GTPBP10: variants seen among roughly 807,000 people sequenced by gnomAD.
The protein encoded by GTPBP10 is GTP binding protein 10, also known as GTP-binding protein 10.
GTPBP10 carries 38 observed loss-of-function variants against 44.8 expected under a neutral mutation model. The observed-to-expected ratio is 0.85, with a 90% CI of 0.65 to 1.11. GTPBP10 has a LOEUF of 1.11. Among genes scored for constraint, GTPBP10 ranks in the 50% most tolerant of loss-of-function variants. The probability of loss-of-function intolerance (pLI) is 0.00; values close to 1 mark genes in which losing one functional copy is unlikely to be tolerated. For synonymous variants in GTPBP10, 152 were observed against 150.6 expected, an observed-to-expected ratio of 1.01 and a Z score of -0.07; for missense variants, 462 against 453.7, an observed-to-expected ratio of 1.02 and a Z score of -0.17.
chr7:90,363,414 G>T (rs1336002350), intron 4 of GTPBP10, among the ~76,000 whole-genome samples: 2 of 152,202 alleles, frequency 1.3e-5, no homozygotes, highest in African/African-American at 4.8e-5. Flanking sequence ...GGCTGGATAT[G>T]AAATTCTGGG....
At chr7:90,359,429 A>T (rs905318647) in intron 4 of GTPBP10, among the ~76,000 whole-genome samples, 1 of 152,030 alleles carries the variant, frequency 6.6e-6, no homozygotes, top group Non-Finnish European at 1.5e-5. Context: ...GCTGAGAATG[A>T]TGGTTTCCAG....
intron 4 of GTPBP10, among the ~76,000 whole-genome samples, chr7:90,364,842 G>A (rs577526609): frequency 1.4e-3 from 207 of 152,204 alleles, no homozygotes; most frequent in African/African-American, 3.0e-3. Context: ...CCCCTCCCCC[G>A]CCAGCCTCAC....
At chr7:90,355,394 G>A (rs1412412599) in intron 4 of GTPBP10, among the ~76,000 whole-genome samples, 164 bp downstream of exon 4, 1 of 151,970 alleles carries the variant, frequency 6.6e-6, no homozygotes, top group African/African-American at 2.4e-5. Context: ...TTTTCAAATT[G>A]CCAACACAGA....
At chr7:90,359,081 A>G (rs1481830845) in intron 4 of GTPBP10, among the ~76,000 whole-genome samples, 4 of 152,190 alleles carry the variant, frequency 2.6e-5, no homozygotes, top group East Asian at 1.9e-4. Context: ...GGAAAAGTCA[A>G]AAAACAATAC....
intron 4 of GTPBP10, among the ~76,000 whole-genome samples, chr7:90,363,924 A>C (rs984694547): frequency 2.0e-5 from 3 of 152,230 alleles, no homozygotes; most frequent in African/African-American, 7.2e-5. Context: ...CAGTTGATCA[A>C]ATCAGCTACT....
At chr7:90,380,559 T>C (rs1278813042) in intron 8 of GTPBP10, among the ~76,000 whole-genome samples, 2 of 152,244 alleles carry the variant, frequency 1.3e-5, no homozygotes, top group African/African-American at 4.8e-5. Context: ...GTACTTAAAG[T>C]GTACAAGTGA....
rs188631365 is a variant in GTPBP10 at position 90,375,448 on chromosome 7, T to G, written c.591+1094T>G. 1.9e-3 allele frequency among the ~76,000 whole-genome samples: 296 copies of G among 152,170 alleles called. 1 individual carries two copies. The Middle Eastern group carries it at 0.037, about 19-fold the overall frequency. On this transcript the variant is annotated intron_variant, in intron 6 of 9. Transcript: ENST00000222511. ...TTTGGGTGCTAACGATGCATCAATA[T>G]GGGTTCATACAGTTTTATGACATAA...
In GTPBP10 at chr7:90,382,944, T is replaced by G. The variant is rs1276896625; in HGVS notation, c.778-12T>G. The G allele has an allele frequency of 6.7e-7, 1 of 1,485,268 alleles. No individual in the cohort carries two copies. The highest frequency in any genetic ancestry group is 9.1e-7 in the Non-Finnish European group (1 of 1,104,736). 92.0% of individuals were successfully genotyped at this position (1,485,268 alleles called of 1,614,324 possible). ...GTACTAAAATTATTGGGTTTTCTCT[T>G]TTGATTTAAAGGAGTTGGAATTGTA... On this transcript the variant is annotated splice_polypyrimidine_tract_variant and intron_variant, in intron 8 of 9. Transcript: ENST00000222511.
At chr7:90,373,128 G>C (rs1283618543) in intron 5 of GTPBP10, among the ~76,000 whole-genome samples, 1 of 152,148 alleles carries the variant, frequency 6.6e-6, no homozygotes, top group Non-Finnish European at 1.5e-5. Context: ...GAGTAGATTT[G>C]TGTGTCTAGA....
intron 4 of GTPBP10, among the ~76,000 whole-genome samples, chr7:90,356,835 T>C (rs1201644497): frequency 2.0e-5 from 3 of 152,198 alleles, no homozygotes; most frequent in East Asian, 3.8e-4. Flanking sequence ...TCATCATCAT[T>C]ATATTGCCAA....
intron 6 of GTPBP10, among the ~76,000 whole-genome samples, chr7:90,376,725 G>A (rs572098271): frequency 1.3e-5 from 2 of 152,238 alleles, no homozygotes; most frequent in South Asian, 2.1e-4. Flanking sequence ...AAGAATGGTC[G>A]ATAATCCTGC....
intron 4 of GTPBP10, among the ~76,000 whole-genome samples, chr7:90,359,646 G>T (rs1489241358): frequency 6.6e-6 from 1 of 152,162 alleles, no homozygotes; most frequent in African/African-American, 2.4e-5. Flanking sequence ...TAATCGTTCG[G>T]GTATGTACCC....
chr7:90,356,128 C>G (rs188288155), intron 4 of GTPBP10, among the ~76,000 whole-genome samples: 1 of 152,100 alleles, frequency 6.6e-6, no homozygotes, highest in African/African-American at 2.4e-5. Flanking sequence ...TTTTCATGTT[C>G]CTCTTCAGTC....
intron 4 of GTPBP10, among the ~76,000 whole-genome samples, chr7:90,371,775 GTC>G (rs1367465898): frequency 6.6e-6 from 1 of 152,108 alleles, no homozygotes; most frequent in Non-Finnish European, 1.5e-5. Context: ...GTTTGAAACT[GTC>G]TATAAAATTT....
chr7:90,349,354 A>G (rs1443964495), intron 1 of GTPBP10, among the ~76,000 whole-genome samples: 1 of 152,080 alleles, frequency 6.6e-6, no homozygotes, highest in African/African-American at 2.4e-5. Context: ...ATTTACAGAC[A>G]TTGTGTTTGG....
intron 4 of GTPBP10, among the ~76,000 whole-genome samples, chr7:90,358,444 G>A (rs907785832): frequency 4.6e-5 from 7 of 152,224 alleles, no homozygotes; most frequent in South Asian, 2.1e-4. Context: ...GAACAGAATA[G>A]AGAACCCAGA....
Position 90,372,275 on chromosome 7 carries a change from T to C in GTPBP10, c.538+47T>C, listed in dbSNP as rs1160119050. The stretch of plus-strand genomic sequence containing the variant: ...ATTTTAATGAGTGGAGGTAAACTTT[T>C]AAAGACTAATATTTCTCTGAGAATG... On this transcript the variant is annotated intron_variant, in intron 5 of 9. Coordinates refer to ENST00000222511, the MANE Select transcript of GTPBP10 (RefSeq NM_033107.4). 7 of 1,175,304 alleles carry C rather than the reference T, an allele frequency of 6.0e-6. No homozygotes were observed. The South Asian group carries it at 9.3e-5, about 16-fold the overall frequency. 72.8% of individuals were successfully genotyped at this position (1,175,304 alleles called of 1,614,324 possible).
chr7:90,359,467 G>T (rs1259158404), intron 4 of GTPBP10, among the ~76,000 whole-genome samples: 7 of 152,120 alleles, frequency 4.6e-5, no homozygotes, highest in African/African-American at 1.7e-4. Context: ...CAAAGGACAT[G>T]AACTCATCTT....
intron 4 of GTPBP10, among the ~76,000 whole-genome samples, chr7:90,366,884 G>C (rs1796145472): frequency 6.6e-6 from 1 of 152,122 alleles, no homozygotes; most frequent in South Asian, 2.1e-4. Context: ...ATGTTAGGGT[G>C]TCCATTTTAG....
Sources: allele counts gnomAD v4.1 joint callset (sites outside exome capture counted in the v4.1 genomes callset), GRCh38; gene constraint gnomAD v4.1.1; transcripts MANE v1.5; gene names NCBI Gene and HGNC (gene_info 2026-07-23, HGNC 2026-07-21).